Variants in HHAT observed in about 807,000 individuals in gnomAD.
HHAT encodes the protein hedgehog acyltransferase.
Under a neutral mutation model 70.8 loss-of-function variants are expected in HHAT, and 47 were observed. That is an observed-to-expected ratio of 0.66 (90% CI 0.53 to 0.85). The LOEUF (loss-of-function observed/expected upper bound fraction) is 0.85. Among genes scored for constraint, HHAT ranks in the 40% least tolerant of loss-of-function variants. HHAT has a pLI of 0.00. For synonymous variants in HHAT, 228 were observed against 247.6 expected, an observed-to-expected ratio of 0.92 and a Z score of 0.74; for missense variants, 609 against 604.8, an observed-to-expected ratio of 1.01 and a Z score of -0.07.
At chr1:210,461,043 C>T (rs574585466) in intron 7 of HHAT, among the ~76,000 whole-genome samples, 1 of 152,166 alleles carries the variant, frequency 6.6e-6, no homozygotes, top group East Asian at 1.9e-4. Flanking sequence ...CTTATACATA[C>T]AAACCCAGAA....
At chr1:210,335,459 A>T (rs2085398984) in intron 1 of HHAT, among the ~76,000 whole-genome samples, 1 of 152,222 alleles carries the variant, frequency 6.6e-6, no homozygotes, top group South Asian at 2.1e-4. Context: ...CTTCAAAAAT[A>T]GGTGATAAGC....
intron 7 of HHAT, 55 bp from the exon 8 acceptor site, chr1:210,464,450 C>T (rs1236854069): frequency 3.1e-6 from 5 of 1,602,374 alleles, no homozygotes; most frequent in Non-Finnish European, 3.4e-6. Context: ...TGGTCTCCTC[C>T]AGGAAACTGC....
At chr1:210,633,368 G>A (rs956809386) in intron 11 of HHAT, among the ~76,000 whole-genome samples, 10 of 152,190 alleles carry the variant, frequency 6.6e-5, no homozygotes, top group Non-Finnish European at 7.3e-5. Context: ...TCAAATGCCC[G>A]GTCGCAGCAA....
At chr1:210,671,805 A>T (rs929486691) in intron 11 of HHAT, among the ~76,000 whole-genome samples, 1 of 152,224 alleles carries the variant, frequency 6.6e-6, no homozygotes, top group Non-Finnish European at 1.5e-5. Context: ...CAGGACACAT[A>T]CTGGCTGCCT....
intron 8 of HHAT, among the ~76,000 whole-genome samples, chr1:210,482,228 T>C (rs12564505): frequency 0.35 from 53,737 of 152,014 alleles, 11,129 homozygotes; most frequent in East Asian, 0.66. Context: ...CTGTACCTCC[T>C]GGTCCCCAAA....
chr1:210,673,310 G>A (rs189391066), intron 11 of HHAT, among the ~76,000 whole-genome samples: 52 of 151,896 alleles, frequency 3.4e-4, no homozygotes, highest in African/African-American at 1.2e-3. Flanking sequence ...AGTGCCCCAG[G>A]GCTCAGAGCT....
chr1:210,595,265 T>C (rs1303163582), intron 10 of HHAT, among the ~76,000 whole-genome samples: 1 of 152,168 alleles, frequency 6.6e-6, no homozygotes, highest in Non-Finnish European at 1.5e-5. Context: ...GGTTTCCAGC[T>C]TCATCCATGT....
chr1:210,390,204 C>A lies in HHAT; in HGVS notation c.273+2623C>A, dbSNP rs1030455380. ...AAATAGAGGAAAACAAAAACCAAAA[C>A]AGAGCTCAGAGAGGCTCTTCTTAGC... On this transcript the variant is annotated intron_variant, in intron 4 of 11. Transcript: ENST00000261458. 2.0e-5 allele frequency among the ~76,000 whole-genome samples: 3 copies of A among 151,996 alleles called. No homozygotes were observed. In the South Asian group the frequency reaches 6.2e-4, roughly 32 times the overall value.
At chr1:210,467,848 C>T (rs555692962) in intron 8 of HHAT, among the ~76,000 whole-genome samples, 1 of 152,292 alleles carries the variant, frequency 6.6e-6, no homozygotes, top group East Asian at 1.9e-4. Context: ...ATTGCATCAT[C>T]TTTCAGCCTA....
At chr1:210,494,887 A>T (rs1230936042) in intron 8 of HHAT, among the ~76,000 whole-genome samples, 3 of 152,090 alleles carry the variant, frequency 2.0e-5, no homozygotes, top group Non-Finnish European at 4.4e-5. Flanking sequence ...AGAGTTATTT[A>T]AAAAGTAAGG....
intron 1 of HHAT, chr1:210,329,382 G>C: frequency 8.6e-7 from 1 of 1,160,290 alleles, no homozygotes; most frequent in Non-Finnish European, 1.1e-6. Context: ...CCTTGGCTTC[G>C]TCCCCAGCTT....
chr1:210,613,024 T>C (rs1043573640), intron 10 of HHAT, among the ~76,000 whole-genome samples: 6 of 152,238 alleles, frequency 3.9e-5, no homozygotes, highest in African/African-American at 1.4e-4. Flanking sequence ...TAAGCTCTTA[T>C]CAATATGTGA....
intron 9 of HHAT, among the ~76,000 whole-genome samples, chr1:210,585,316 G>A (rs900377193): frequency 6.6e-6 from 1 of 152,090 alleles, no homozygotes; most frequent in African/African-American, 2.4e-5. Context: ...GAGAGTGGAG[G>A]ATGTTAAAGA....
chr1:210,345,097 T>C (rs1043727442), intron 1 of HHAT, among the ~76,000 whole-genome samples: 2 of 152,184 alleles, frequency 1.3e-5, no homozygotes, highest in Non-Finnish European at 2.9e-5. Flanking sequence ...CATACCTCTA[T>C]CTTGCTAATT....
chr1:210,465,420 A>G (rs1572637436), intron 8 of HHAT, among the ~76,000 whole-genome samples: 1 of 152,172 alleles, frequency 6.6e-6, no homozygotes, highest in African/African-American at 2.4e-5. Flanking sequence ...GACAGGATTG[A>G]GTTTGCAATT....
intron 9 of HHAT, among the ~76,000 whole-genome samples, chr1:210,524,908 T>C (rs2095222771): frequency 6.6e-6 from 1 of 151,946 alleles, no homozygotes. Context: ...AAATATGTAA[T>C]TATGCATGTG....
At position 210,401,744 on chromosome 1, in the gene HHAT, G is replaced by A. The variant is rs372825567; in HGVS notation, c.468+1082G>A. Among the ~76,000 whole-genome samples the A allele has an allele frequency of 2.6e-5, 4 of 152,170 alleles. No individual in the cohort carries two copies. In the East Asian group the frequency reaches 7.7e-4, roughly 29 times the overall value. On this transcript the variant is annotated intron_variant, in intron 5 of 11. Transcript: ENST00000261458. The stretch of plus-strand genomic sequence containing the variant: ...ATCAGACTTGACCCAGAGAATTGGT[G>A]GATGACAGACAGACTGCCTTCTGAG...
chr1:210,582,811 A>C (rs1409498717), intron 9 of HHAT, among the ~76,000 whole-genome samples: 4 of 152,220 alleles, frequency 2.6e-5, no homozygotes, highest in African/African-American at 9.7e-5. Context: ...TAGTCTGTTC[A>C]AAAGCGGAAG....
intron 9 of HHAT, among the ~76,000 whole-genome samples, chr1:210,558,751 G>A (rs2095595420): frequency 6.6e-6 from 1 of 152,214 alleles, no homozygotes; most frequent in Non-Finnish European, 1.5e-5. Context: ...TAGGAAAAAG[G>A]CTTTTGAGCC....
Sources: allele counts gnomAD v4.1 joint callset (sites outside exome capture counted in the v4.1 genomes callset), GRCh38; gene constraint gnomAD v4.1.1; transcripts MANE v1.5; gene names NCBI Gene and HGNC (gene_info 2026-07-23, HGNC 2026-07-21).